Variants in FBXO5 observed in about 807,000 individuals in gnomAD.
FBXO5 encodes F-box only protein 5.
A neutral mutation model predicts 43.3 loss-of-function variants in FBXO5; 8 were observed. The observed-to-expected ratio is 0.18, with a 90% CI of 0.11 to 0.33. The LOEUF is 0.33. Among genes scored for constraint, FBXO5 ranks in the 10% least tolerant of loss-of-function variants. The pLI, the probability that FBXO5 is intolerant of heterozygous loss-of-function variation, is 1.00. For missense variants in FBXO5, 491 were observed against 535.7 expected (o/e 0.92, Z 0.82); for synonymous variants, 204 against 193.7 (o/e 1.05, Z -0.44).
rs766310579 is a variant in FBXO5, at chr6:152,982,930, T to C, written c.30A>G (p.Leu10=). 4 of 1,448,748 alleles carry C rather than the reference T, an allele frequency of 2.8e-6. No homozygotes were observed. Among genetic ancestry groups the C allele is most frequent in the Non-Finnish European group, 9.0e-7 (1 of 1,109,522 alleles). 89.7% of individuals were successfully genotyped at this position (1,448,748 alleles called of 1,614,324 possible). Residue 10 remains leucine (L), a synonymous_variant, in exon 1 of 5, where the codon CTA becomes CTG. Coordinates refer to ENST00000229758, the MANE Select transcript of FBXO5 (RefSeq NM_012177.5). ...CGCTGCAGGAGCAGCGGGGTGGCCGTAGGGCGCAGCTGCAGGGGCGCCGGC... is the reference window on the plus strand; with the variant it reads ...CGCTGCAGGAGCAGCGGGGTGGCCGCAGGGCGCAGCTGCAGGGGCGCCGGC... The part of the protein sequence containing the change: MSRRPCSCA[L]RPPRCSCSAS...
intron 1 of FBXO5, among the ~76,000 whole-genome samples, chr6:152,979,234 T>C (rs2129094338): frequency 6.6e-6 from 1 of 152,298 alleles, no homozygotes; most frequent in Non-Finnish European, 1.5e-5. Context: ...TGTTCCCGGG[T>C]CTTATCCAGG....
At position 152,970,949 on chromosome 6, in the gene FBXO5, G is replaced by C. The variant is rs942846914; in HGVS notation, c.*214C>G. 1 of 413,904 alleles carries C rather than the reference G, an allele frequency of 2.4e-6. No homozygotes were observed. 25.6% of individuals were successfully genotyped at this position (413,904 alleles called of 1,614,324 possible). ...TTTTCTTAAAATATTTAAATTGTTT[G>C]ATTTGTATTGAGAATTTTAAACTTT... On this transcript the variant is annotated 3_prime_UTR_variant, in exon 5 of 5. Coordinates refer to ENST00000229758, the MANE Select transcript of FBXO5 (RefSeq NM_012177.5).
At position 152,970,580 on chromosome 6, in the gene FBXO5, ATTCT is replaced by A. The variant is rs1201258806; in HGVS notation, c.*579_*582del. The A allele has an allele frequency of 1.3e-5, 2 of 152,274 alleles. No individual in the cohort carries two copies. The highest frequency in any genetic ancestry group is 2.9e-5 in the Non-Finnish European group (2 of 68,062). The allele number at this position is 152,274 out of a possible 1,614,324, so 9.4% of individuals were successfully genotyped here. ...TTTTATATGTACATACAAGAGACAT[ATTCT>A]TTGACATATAAAAAATACAGAAATA... On this transcript the variant is annotated 3_prime_UTR_variant, in exon 5 of 5. Transcript: ENST00000229758.
intron 1 of FBXO5, among the ~76,000 whole-genome samples, chr6:152,980,035 A>T (rs1002151037): frequency 6.6e-6 from 1 of 152,258 alleles, no homozygotes; most frequent in African/African-American, 2.4e-5. Flanking sequence ...GAATAGCATC[A>T]TATTTTATAA....
Position 152,971,036 on chromosome 6 carries a change from A to G in FBXO5, c.*127T>C, listed in dbSNP as rs187914812. 17,129 of 862,644 alleles carry G rather than the reference A, an allele frequency of 0.02. 228 individuals carry two copies. The highest frequency in any genetic ancestry group is 0.023 in the South Asian group (922 of 39,730). 53.4% of individuals were successfully genotyped at this position (862,644 alleles called of 1,614,324 possible). ...CTATCCTCTTTATCTTCTGGGGGGA[A>G]AAAAACCTCAGGATACTACACCGAT... On this transcript the variant is annotated 3_prime_UTR_variant, in exon 5 of 5. Coordinates refer to ENST00000229758, the MANE Select transcript of FBXO5 (RefSeq NM_012177.5).
intron 4 of FBXO5, 135 bp from the exon 5 acceptor site, chr6:152,971,549 G>A: frequency 2.4e-6 from 2 of 838,558 alleles, no homozygotes; most frequent in Non-Finnish European, 3.6e-6. Context: ...GATAACTACT[G>A]CCCTAACTAT....
intron 1 of FBXO5, 56 bp from the exon 2 acceptor site, chr6:152,975,677 C>A: frequency 9.0e-7 from 1 of 1,112,792 alleles, no homozygotes; most frequent in Non-Finnish European, 1.3e-6. Context: ...CACATCCCTA[C>A]TTCTTAAATT....
chr6:152,982,928 C>T lies in FBXO5; in HGVS notation c.32G>A (p.Arg11Gln). MSRRPCSCAL[R>Q]PPRCSCSASP... Reference sequence around the variant, plus strand: ...GGCGCTGCAGGAGCAGCGGGGTGGCCGTAGGGCGCAGCTGCAGGGGCGCCG... The same window carrying T: ...GGCGCTGCAGGAGCAGCGGGGTGGCTGTAGGGCGCAGCTGCAGGGGCGCCG... Residue 11 changes from arginine to glutamine, a missense_variant, in exon 1 of 5, where the codon CGG becomes CAG. Transcript: ENST00000229758. The T allele has an allele frequency of 6.9e-7, 1 of 1,451,030 alleles. No individual in the cohort carries two copies. The highest frequency in any genetic ancestry group is 1.4e-5 in the South Asian group (1 of 71,934). 89.9% of individuals were successfully genotyped at this position (1,451,030 alleles called of 1,614,324 possible).
At position 152,972,144 on chromosome 6, in the gene FBXO5, TTTC is replaced by T. The variant is rs1165687815; in HGVS notation, c.1092+125_1092+127del. The T allele has an allele frequency of 1.8e-5, 10 of 551,342 alleles. No homozygotes were observed. The African/African-American group carries it at 1.9e-4, about 10-fold the overall frequency. The allele number at this position is 551,342 out of a possible 1,614,324, so 34.2% of individuals were successfully genotyped here. ...AATTTAAATGATCATTAATATCAGG[TTTC>T]TTAATGTCAGAGAATAAATTAGTTA... On this transcript the variant is annotated intron_variant, in intron 4 of 4. Transcript: ENST00000229758.
intron 1 of FBXO5, among the ~76,000 whole-genome samples, chr6:152,981,406 C>G (rs1344578865): frequency 6.6e-6 from 1 of 152,144 alleles, no homozygotes; most frequent in Admixed American, 6.6e-5. Context: ...TCTCTAATAC[C>G]TACAGATAAC....
At chr6:152,977,886 G>A (rs1231094692) in intron 1 of FBXO5, among the ~76,000 whole-genome samples, 1 of 152,166 alleles carries the variant, frequency 6.6e-6, no homozygotes, top group Non-Finnish European at 1.5e-5. Flanking sequence ...ATTCAACACT[G>A]TTCTTTGAAT....
chr6:152,980,141 G>A (rs1025802013), intron 1 of FBXO5, among the ~76,000 whole-genome samples: 1 of 152,162 alleles, frequency 6.6e-6, no homozygotes, highest in Non-Finnish European at 1.5e-5. Context: ...TGGGAAATAT[G>A]TGAAGTATTC....
chr6:152,982,674 C>T (rs985179998), intron 1 of FBXO5, among the ~76,000 whole-genome samples, 183 bp downstream of exon 1: 1 of 152,136 alleles, frequency 6.6e-6, no homozygotes, highest in African/African-American at 2.4e-5. Context: ...TTCTGGCTTC[C>T]CCCCGACACC....
chr6:152,974,136 G>A (rs933630495), intron 2 of FBXO5, among the ~76,000 whole-genome samples: 1 of 151,988 alleles, frequency 6.6e-6, no homozygotes, highest in African/African-American at 2.4e-5. Context: ...AGCCTGGGAG[G>A]TGGAGGTTGC....
intron 1 of FBXO5, among the ~76,000 whole-genome samples, chr6:152,978,503 G>A (rs1056481887): frequency 5.3e-5 from 8 of 150,406 alleles, no homozygotes; most frequent in Non-Finnish European, 1.2e-4. Flanking sequence ...TACTGCTTAT[G>A]ACAAAATCCA....
Position 152,975,490 on chromosome 6 carries a change from A to C in FBXO5, c.235T>G (p.Leu79Val). The change falls in exon 2 of 5, where the codon TTG (leucine) becomes GTG (valine). Residue 79 changes from leucine to valine, a missense_variant. Leu to Val is a conservative substitution (Grantham distance 32). Transcript: ENST00000229758. Reference protein sequence around the residue: ...GRLVSYTPAYLEGSCKDCIKD... With the variant: ...GRLVSYTPAYVEGSCKDCIKD... ...ATGCAGTCTTTACAGGAACCTTCCA[A>C]ATATGCAGGGGTGTAGGAAACTAGT... The C allele has an allele frequency of 6.2e-7, 1 of 1,614,042 alleles. No homozygotes were observed. Among genetic ancestry groups the C allele is most frequent in the Admixed American group, 1.7e-5 (1 of 60,020 alleles).
At chr6:152,978,377 T>G (rs75387572) in intron 1 of FBXO5, among the ~76,000 whole-genome samples, 1,269 of 20,520 alleles carry the variant, frequency 0.062, 45 homozygotes, top group East Asian at 0.19. Context: ...CTTCATTTTT[T>G]GGGGGGGGGG....
chr6:152,979,428 T>G (rs1778228864), intron 1 of FBXO5, among the ~76,000 whole-genome samples: 1 of 152,238 alleles, frequency 6.6e-6, no homozygotes, highest in Non-Finnish European at 1.5e-5. Flanking sequence ...AGAGGTAAGG[T>G]GCTATGATTT....
rs767190897 is a variant in FBXO5 at position 152,972,328 on chromosome 6, A to G, written c.1036T>C (p.Ser346Pro). The G allele has an allele frequency of 6.2e-7, 1 of 1,613,102 alleles. No homozygotes were observed. Among genetic ancestry groups the G allele is most frequent in the Non-Finnish European group, 8.5e-7 (1 of 1,179,378 alleles). Reference sequence around the variant, plus strand: ...GAACCTTTCTGATCACCTTGATTGGATAACTTGGTTTGAGCATCTTTTTTG... The same window carrying G: ...GAACCTTTCTGATCACCTTGATTGGGTAACTTGGTTTGAGCATCTTTTTTG... ...SLKKDAQTKL[S>P]NQGDQKGSTY... Residue 346 changes from serine to proline, a missense_variant, in exon 4 of 5, where the codon TCC becomes CCC. Physicochemically the swap from Ser to Pro is moderately conservative, Grantham distance 74. Transcript: ENST00000229758.
Sources: allele counts gnomAD v4.1 joint callset (sites outside exome capture counted in the v4.1 genomes callset), GRCh38; gene constraint gnomAD v4.1.1; transcripts MANE v1.5; gene names NCBI Gene and HGNC (gene_info 2026-07-23, HGNC 2026-07-21).